The following GRIA4 variants were observed in gnomAD, a reference collection of about 807,000 sequenced individuals.
GRIA4 encodes glutamate ionotropic receptor AMPA type subunit 4.
In GRIA4, 34 loss-of-function variants were observed where a neutral mutation model predicts 104.0. That is an observed-to-expected ratio of 0.33 (90% CI 0.25 to 0.44). The LOEUF is 0.44. Among genes scored for constraint, GRIA4 ranks in the 20% least tolerant of loss-of-function variants. The probability of loss-of-function intolerance (pLI) is 1.00; values close to 1 mark genes in which losing one functional copy is unlikely to be tolerated. For synonymous variants in GRIA4, 386 were observed against 381.9 expected (o/e 1.01, Z -0.13); for missense variants, 750 against 1,096.5 (o/e 0.68, Z 4.46).
At chr11:105,913,667 T>C (rs1190299665) in intron 10 of GRIA4, among the ~76,000 whole-genome samples, 2 of 152,022 alleles carry the variant, frequency 1.3e-5, no homozygotes, top group Non-Finnish European at 1.5e-5. Flanking sequence ...CTCTGTAATC[T>C]AACTACTTTC....
chr11:105,789,423 A>G (rs1289298038), intron 4 of GRIA4, among the ~76,000 whole-genome samples: 1 of 152,178 alleles, frequency 6.6e-6, no homozygotes, highest in Non-Finnish European at 1.5e-5. Flanking sequence ...CATCAAGAAC[A>G]TAAAAAGTCT....
chr11:105,873,283 T>C (rs1332944720), intron 5 of GRIA4, among the ~76,000 whole-genome samples: 1 of 152,206 alleles, frequency 6.6e-6, no homozygotes, highest in Non-Finnish European at 1.5e-5. Flanking sequence ...TAATATTCCA[T>C]GGTATATTTG....
intron 3 of GRIA4, among the ~76,000 whole-genome samples, chr11:105,705,515 A>AG (rs1217883474): frequency 3.3e-5 from 5 of 152,176 alleles, no homozygotes; most frequent in African/African-American, 1.2e-4. Context: ...TGTAACACAA[A>AG]GGAGTAATCT....
At chr11:105,677,696 C>G (rs888962351) in intron 3 of GRIA4, among the ~76,000 whole-genome samples, 2 of 151,822 alleles carry the variant, frequency 1.3e-5, no homozygotes, top group Non-Finnish European at 1.5e-5. Context: ...ATTAGCACAG[C>G]CATGCAGAAA....
intron 3 of GRIA4, among the ~76,000 whole-genome samples, chr11:105,736,600 A>C (rs79051100): frequency 1.3e-5 from 2 of 152,120 alleles, no homozygotes; most frequent in East Asian, 3.8e-4. Flanking sequence ...TACTTTATAT[A>C]CATAATCAGA....
intron 4 of GRIA4, among the ~76,000 whole-genome samples, chr11:105,760,067 A>G (rs1297063648): frequency 6.6e-6 from 1 of 152,114 alleles, no homozygotes; most frequent in East Asian, 1.9e-4. Context: ...CCCGAGCCAG[A>G]CTCATTTACG....
At chr11:105,851,030 A>G (rs1248236068) in intron 4 of GRIA4, among the ~76,000 whole-genome samples, 1 of 152,198 alleles carries the variant, frequency 6.6e-6, no homozygotes, top group Non-Finnish European at 1.5e-5. Context: ...CAAGAACTTA[A>G]CTTCTGTATC....
At chr11:105,636,391 G>A (rs1409596755) in intron 3 of GRIA4, among the ~76,000 whole-genome samples, 1 of 152,018 alleles carries the variant, frequency 6.6e-6, no homozygotes, top group Non-Finnish European at 1.5e-5. Flanking sequence ...TTTTGTTCAA[G>A]GTCAGACTCT....
At chr11:105,883,580 T>C (rs1946145448) in intron 5 of GRIA4, among the ~76,000 whole-genome samples, 1 of 152,156 alleles carries the variant, frequency 6.6e-6, no homozygotes, top group Non-Finnish European at 1.5e-5. Flanking sequence ...TCCAGCTTCA[T>C]CCATGTCCGT....
intron 14 of GRIA4, among the ~76,000 whole-genome samples, chr11:105,958,121 T>C (rs1423050271): frequency 6.6e-6 from 1 of 152,216 alleles, no homozygotes; most frequent in Non-Finnish European, 1.5e-5. Flanking sequence ...CCTGCCTGAT[T>C]GCCCTGGCCA....
intron 16 of GRIA4, among the ~76,000 whole-genome samples, chr11:105,977,066 A>G (rs1341892440): frequency 1.3e-5 from 2 of 152,054 alleles, no homozygotes; most frequent in Non-Finnish European, 2.9e-5. Flanking sequence ...GAAGAAAACA[A>G]AAACAGATTT....
At chr11:105,789,855 C>A (rs1207799212) in intron 4 of GRIA4, among the ~76,000 whole-genome samples, 1 of 152,070 alleles carries the variant, frequency 6.6e-6, no homozygotes, top group African/African-American at 2.4e-5. Context: ...AAAGAAGCAG[C>A]ACCAAAAAAA....
intron 4 of GRIA4, among the ~76,000 whole-genome samples, chr11:105,843,960 C>T (rs1944483526): frequency 6.6e-6 from 1 of 152,126 alleles, no homozygotes; most frequent in Non-Finnish European, 1.5e-5. Context: ...TTATGAACTG[C>T]TTGATGGCAG....
chr11:105,635,090 T>G (rs1951169409), intron 3 of GRIA4, among the ~76,000 whole-genome samples: 1 of 152,182 alleles, frequency 6.6e-6, no homozygotes, highest in South Asian at 2.1e-4. Context: ...GTATTGACAG[T>G]TAAAACTACA....
In GRIA4 at chr11:105,901,297, G is replaced by T. The variant is rs1052246624; in HGVS notation, c.886-2517G>T. ...ATGTGCTTCACATTCCCATAAACCT[G>T]TGTCACAGAATTAAAATTCATCCCA... On this transcript the variant is annotated intron_variant, in intron 7 of 16. Coordinates refer to ENST00000282499, the MANE Select transcript of GRIA4 (RefSeq NM_000829.4). Among the ~76,000 whole-genome samples the T allele has an allele frequency of 3.3e-5, 5 of 152,104 alleles. No individual in the cohort carries two copies. The South Asian group carries it at 1.0e-3, about 32-fold the overall frequency.
intron 11 of GRIA4, among the ~76,000 whole-genome samples, chr11:105,922,042 A>G (rs751470523): frequency 2.0e-5 from 3 of 152,156 alleles, no homozygotes; most frequent in Non-Finnish European, 4.4e-5. Flanking sequence ...TAAGTTATGG[A>G]AACAAAACAA....
chr11:105,943,771 T>G (rs572026252), intron 14 of GRIA4, among the ~76,000 whole-genome samples: 1 of 152,210 alleles, frequency 6.6e-6, no homozygotes, highest in African/African-American at 2.4e-5. Context: ...CTACCATGGA[T>G]GAAATAGGTG....
At chr11:105,794,467 ATGTATG>A (rs1565241163) in intron 4 of GRIA4, among the ~76,000 whole-genome samples, 2 of 38,810 alleles carry the variant, frequency 5.2e-5, no homozygotes, top group South Asian at 9.1e-4. Flanking sequence ...GTGTGTGTAT[ATGTATG>A]TATATATATA....
intron 3 of GRIA4, among the ~76,000 whole-genome samples, chr11:105,616,483 T>G (rs911105643): frequency 5.9e-5 from 9 of 151,732 alleles, no homozygotes; most frequent in African/African-American, 1.9e-4. Context: ...CCTAGTAGGC[T>G]CTGCAGGATT....
Sources: allele counts gnomAD v4.1 joint callset (sites outside exome capture counted in the v4.1 genomes callset), GRCh38; gene constraint gnomAD v4.1.1; transcripts MANE v1.5; gene names NCBI Gene and HGNC (gene_info 2026-07-23, HGNC 2026-07-21).